TOPBP1: variants seen among roughly 807,000 people sequenced by gnomAD.
TOPBP1 encodes DNA topoisomerase II binding protein 1.
TOPBP1 carries 28 observed loss-of-function variants against 167.7 expected under a neutral mutation model. The ratio of observed to expected loss-of-function variants is 0.17; its 90% CI spans 0.12 to 0.23. The LOEUF is 0.23. Ranked by LOEUF, TOPBP1 falls within the 10% of genes least tolerant of loss-of-function variation. TOPBP1 has a pLI of 1.00. For missense variants in TOPBP1, 1,554 were observed against 1,809.6 expected (o/e 0.86, Z 2.56); for synonymous variants, 598 against 611.4 (o/e 0.98, Z 0.32).
chr3:133,631,793 A>G (rs999113726), intron 14 of TOPBP1, among the ~76,000 whole-genome samples: 3 of 151,974 alleles, frequency 2.0e-5, no homozygotes, highest in Non-Finnish European at 2.9e-5. Context: ...ATATGCCATC[A>G]CACCCGGCTC....
At chr3:133,609,752 T>C (rs995963661) in intron 25 of TOPBP1, among the ~76,000 whole-genome samples, 5 of 152,160 alleles carry the variant, frequency 3.3e-5, no homozygotes, top group African/African-American at 9.7e-5. Context: ...GAGGCCTCTG[T>C]AGCCATGTGG....
At chr3:133,632,822 G>C (rs1249008903) in intron 14 of TOPBP1, among the ~76,000 whole-genome samples, 1 of 152,098 alleles carries the variant, frequency 6.6e-6, no homozygotes, top group Non-Finnish European at 1.5e-5. Flanking sequence ...ACCCAGGCTG[G>C]AGTACAGCGG....
At chr3:133,656,526 G>C in intron 5 of TOPBP1, 150 bp downstream of exon 5, 2 of 694,060 alleles carry the variant, frequency 2.9e-6, no homozygotes, top group South Asian at 2.7e-5. Flanking sequence ...ATAAGAGCTT[G>C]TAGATTCTGC....
intron 27 of TOPBP1, among the ~76,000 whole-genome samples, chr3:133,604,692 G>A (rs1468404480): frequency 6.6e-6 from 1 of 151,720 alleles, no homozygotes; most frequent in Non-Finnish European, 1.5e-5. Flanking sequence ...AGGCCAAGGT[G>A]GGCGGATCAC....
intron 25 of TOPBP1, 61 bp downstream of exon 25, chr3:133,610,943 A>G: frequency 7.0e-7 from 1 of 1,419,832 alleles, no homozygotes; most frequent in Non-Finnish European, 9.3e-7. Context: ...TTTAAAAAAA[A>G]TGTGAAAGAG....
chr3:133,622,865 A>G (rs188496401), intron 19 of TOPBP1, among the ~76,000 whole-genome samples: 3 of 152,288 alleles, frequency 2.0e-5, no homozygotes. Flanking sequence ...ATTATCACTT[A>G]ATGATCAGCA....
intron 27 of TOPBP1, among the ~76,000 whole-genome samples, chr3:133,604,636 C>T (rs1486057874): frequency 6.6e-6 from 1 of 151,692 alleles, no homozygotes; most frequent in East Asian, 1.9e-4. Context: ...AAAGAAAACT[C>T]CAGGCCGGGT....
Position 133,611,018 on chromosome 3 carries a change from ATTC to A in TOPBP1, c.4156_4158del (p.Glu1386del). 1 of 1,612,430 alleles carries A rather than the reference ATTC, an allele frequency of 6.2e-7. No individual in the cohort carries two copies. Among genetic ancestry groups the A allele is most frequent in the Non-Finnish European group, 8.5e-7 (1 of 1,178,956 alleles). On this transcript the variant is annotated inframe_deletion, in exon 25 of 28. Coordinates refer to ENST00000260810, the MANE Select transcript of TOPBP1 (RefSeq NM_007027.4). ...TGTTTTAATACCTCAACAATGCCAG[ATTC>A]TTGTCTTTGCTGGATTTTTTTTCTC...
intron 12 of TOPBP1, among the ~76,000 whole-genome samples, chr3:133,641,847 G>T (rs1328822706): frequency 6.6e-6 from 1 of 152,114 alleles, no homozygotes; most frequent in African/African-American, 2.4e-5. Flanking sequence ...AGCAAAAAAA[G>T]AAATATACAG....
At chr3:133,657,075 A>G (rs1006573545) in intron 4 of TOPBP1, among the ~76,000 whole-genome samples, 1 of 152,006 alleles carries the variant, frequency 6.6e-6, no homozygotes, top group East Asian at 1.9e-4. Context: ...TTTCAACTCC[A>G]TGAATGTATT....
intron 25 of TOPBP1, among the ~76,000 whole-genome samples, chr3:133,609,830 G>A (rs1576678072): frequency 6.6e-6 from 1 of 152,254 alleles, no homozygotes; most frequent in Non-Finnish European, 1.5e-5. Flanking sequence ...TCATAGCAGC[G>A]TGAGAACGAA....
intron 19 of TOPBP1, among the ~76,000 whole-genome samples, chr3:133,622,737 A>T (rs184447327): frequency 3.3e-5 from 5 of 152,282 alleles, no homozygotes; most frequent in African/African-American, 2.4e-5. Context: ...CTAGATTTTT[A>T]AAAAATCACC....
At chr3:133,611,446 C>G (rs1449308682) in intron 24 of TOPBP1, among the ~76,000 whole-genome samples, 1 of 152,136 alleles carries the variant, frequency 6.6e-6, no homozygotes, top group African/African-American at 2.4e-5. Context: ...CAAATTTCAC[C>G]TGCTGTAAGA....
intron 14 of TOPBP1, among the ~76,000 whole-genome samples, chr3:133,636,396 G>GATA (rs10643933): frequency 0.73 from 110,842 of 151,418 alleles, 40,773 homozygotes; most frequent in Middle Eastern, 0.79. Context: ...GTTTGAAGAT[G>GATA]ATAAGATTAT....
intron 24 of TOPBP1, among the ~76,000 whole-genome samples, chr3:133,611,357 G>T (rs906228224): frequency 6.6e-6 from 1 of 152,168 alleles, no homozygotes; most frequent in Non-Finnish European, 1.5e-5. Flanking sequence ...CTTTTAATTA[G>T]AAATCAGAAA....
chr3:133,649,326 T>C (rs1936198208), intron 10 of TOPBP1, 57 bp downstream of exon 10: 1 of 1,563,770 alleles, frequency 6.4e-7, no homozygotes, highest in Admixed American at 1.9e-5. Context: ...CATATGTACG[T>C]ATTAGGCTAC....
At chr3:133,652,379 C>T in intron 8 of TOPBP1, 84 bp downstream of exon 8, 1 of 1,466,852 alleles carries the variant, frequency 6.8e-7, no homozygotes. Flanking sequence ...AAGGAGCAAG[C>T]CCAACTCTGA....
chr3:133,629,813 G>C (rs1935403492), intron 14 of TOPBP1, among the ~76,000 whole-genome samples: 1 of 152,050 alleles, frequency 6.6e-6, no homozygotes. Context: ...TTGAGACGGA[G>C]TCTCGCTCTG....
At chr3:133,624,369 C>T (rs1935199111) in intron 16 of TOPBP1, among the ~76,000 whole-genome samples, 194 bp from the exon 17 acceptor site, 1 of 152,126 alleles carries the variant, frequency 6.6e-6, no homozygotes, top group South Asian at 2.1e-4. Flanking sequence ...GAGGCTGAGG[C>T]AGGAGGACAC....
Sources: gnomAD v4.1 joint callset for allele counts (sites outside exome capture counted in the v4.1 genomes callset) on GRCh38, gnomAD v4.1.1 for gene constraint, MANE v1.5 for transcripts, NCBI Gene and HGNC (gene_info 2026-07-23, HGNC 2026-07-21) for gene names.